LRRC43: variants seen among roughly 807,000 people sequenced by gnomAD.
LRRC43 encodes leucine rich repeat containing 43, also known as leucine-rich repeat-containing protein 43.
A neutral mutation model predicts 64.3 loss-of-function variants in LRRC43; 62 were observed. The ratio of observed to expected loss-of-function variants is 0.96; its 90% CI spans 0.79 to 1.19. The LOEUF is 1.19. LRRC43 is among the 50% of genes most tolerant of loss of function. The probability of loss-of-function intolerance (pLI) is 0.00; values close to 1 mark genes in which losing one functional copy is unlikely to be tolerated. For missense variants in LRRC43, 868 were observed against 845.0 expected (o/e 1.03, Z -0.34); for synonymous variants, 422 against 382.3 (o/e 1.10, Z -1.21).
intron 7 of LRRC43, among the ~76,000 whole-genome samples, chr12:122,198,066 C>T (rs184925554): frequency 7.9e-5 from 12 of 152,096 alleles, no homozygotes; most frequent in South Asian, 4.2e-4. Flanking sequence ...CCACAACCTC[C>T]GCCTCCCGGG....
rs575980789 is a variant in LRRC43, at chr12:122,200,011, C to T, written c.1350-178C>T. On this transcript the variant is annotated intron_variant, in intron 7 of 11. Transcript: ENST00000339777. The surrounding 1 kb of genome is among the most constrained non-coding windows in gnomAD (Gnocchi z 4.6). Reference sequence around the variant, plus strand: ...TTTTGCTGTCTCCTCTGTATCCACACCTTTCTGGCCTTCTGGTCCCCTTGC... The same window carrying T: ...TTTTGCTGTCTCCTCTGTATCCACATCTTTCTGGCCTTCTGGTCCCCTTGC... Among the ~76,000 whole-genome samples the T allele has an allele frequency of 1.0e-3, 152 of 152,338 alleles. 1 individual carries two copies. The highest frequency in any genetic ancestry group is 1.9e-3 in the Non-Finnish European group (126 of 68,030).
At chr12:122,203,283 C>G (rs200001520) in intron 11 of LRRC43, 32 bp from the exon 12 acceptor site, 4 of 1,603,112 alleles carry the variant, frequency 2.5e-6, no homozygotes, top group Non-Finnish European at 3.4e-6. Context: ...ATCCGTCTCC[C>G]GGGGCTCATG....
Position 122,203,310 on chromosome 12 carries a change from C to T in LRRC43, c.1844-5C>T. On this transcript the variant is annotated splice_polypyrimidine_tract_variant and splice_region_variant and intron_variant, in intron 11 of 11. Transcript: ENST00000339777. ...GGGCTCATGCTCGCACTTAAATTTT[C>T]TCAGAAAAGCCGAAAGCCGTGATTC... The T allele has an allele frequency of 6.2e-7, 1 of 1,611,018 alleles. No homozygotes were observed. Among genetic ancestry groups the T allele is most frequent in the South Asian group, 1.1e-5 (1 of 90,896 alleles).
At chr12:122,197,327 A>AT (rs11331738) in intron 7 of LRRC43, among the ~76,000 whole-genome samples, 44 of 150,062 alleles carry the variant, frequency 2.9e-4, no homozygotes, top group East Asian at 5.9e-4. Context: ...CCCCTGGCCA[A>AT]TTTTTTTTTT....
At chr12:122,187,655 C>T in intron 3 of LRRC43, 46 bp from the exon 4 acceptor site, 1 of 1,598,476 alleles carries the variant, frequency 6.3e-7, no homozygotes, top group East Asian at 2.2e-5. Context: ...ATCCTCAGCG[C>T]TGACTTGGGG....
intron 1 of LRRC43, among the ~76,000 whole-genome samples, chr12:122,169,749 A>G (rs1425121397): frequency 6.6e-6 from 1 of 151,292 alleles, no homozygotes; most frequent in Non-Finnish European, 1.5e-5. Flanking sequence ...AGAATTCTAT[A>G]AGGAACATTT....
chr12:122,175,563 G>C (rs1347658014), intron 1 of LRRC43, among the ~76,000 whole-genome samples: 3 of 150,970 alleles, frequency 2.0e-5, no homozygotes, highest in African/African-American at 7.3e-5. Context: ...GAGTGCAGTG[G>C]CATCATCACA....
upstream of LRRC43, among the ~76,000 whole-genome samples, chr12:122,182,650 G>A (rs1953592546): frequency 1.3e-5 from 2 of 151,460 alleles, no homozygotes; most frequent in South Asian, 4.2e-4. Flanking sequence ...CTGAGATCTC[G>A]CCACTGGACT....
intron 1 of LRRC43, among the ~76,000 whole-genome samples, chr12:122,183,913 G>A (rs1316834745): frequency 6.6e-6 from 1 of 151,300 alleles, no homozygotes; most frequent in Non-Finnish European, 1.5e-5. Flanking sequence ...GCTAATTATT[G>A]TATTTTTAGT....
At chr12:122,189,134 A>G (rs1337606210) in intron 4 of LRRC43, among the ~76,000 whole-genome samples, 1 of 152,150 alleles carries the variant, frequency 6.6e-6, no homozygotes, top group Non-Finnish European at 1.5e-5. Flanking sequence ...CCTGAGGGGT[A>G]GGAGGGGATC....
intron 3 of LRRC43, chr12:122,187,410 A>G (rs1953657386): frequency 3.3e-6 from 1 of 301,176 alleles, no homozygotes; most frequent in East Asian, 6.4e-5. Flanking sequence ...ACGCATTCCT[A>G]TGGGTTGAGA....
intron 7 of LRRC43, among the ~76,000 whole-genome samples, chr12:122,198,990 T>C (rs71456726): frequency 6.8e-6 from 1 of 146,218 alleles, no homozygotes; most frequent in Non-Finnish European, 1.5e-5. Context: ...CGATTTTTTT[T>C]TTTTTTTTGA....
rs371955014 is a variant in LRRC43 at position 122,176,101 on chromosome 12, A to G, written c.-406+8319A>G. ...GCTGCGGACAATAGCAACAACATTC[A>G]TAAATAAGCTAGAAAGCACTGTGAC... On this transcript the variant is annotated intron_variant, in intron 1 of 5. Coordinates refer to the LRRC43 transcript ENST00000537729. Among the ~76,000 whole-genome samples, 283 of 152,346 alleles carry G rather than the reference A, an allele frequency of 1.9e-3. 1 individual carries two copies. The highest frequency in any genetic ancestry group is 3.1e-3 in the Non-Finnish European group (212 of 68,030).
At chr12:122,199,306 G>A (rs1380717543) in intron 7 of LRRC43, among the ~76,000 whole-genome samples, 10 of 115,270 alleles carry the variant, frequency 8.7e-5, no homozygotes, top group African/African-American at 3.3e-4. Flanking sequence ...TTTTTGAGAC[G>A]GAGTCTTGCT....
At chr12:122,180,601 T>G (rs1019257595), upstream of LRRC43, among the ~76,000 whole-genome samples, 2 of 152,076 alleles carry the variant, frequency 1.3e-5, no homozygotes, top group South Asian at 2.1e-4. Flanking sequence ...AGAGACAGTG[T>G]TGGCTGCAGG....
chr12:122,170,993 G>T (rs917951547), intron 1 of LRRC43, among the ~76,000 whole-genome samples: 3 of 152,186 alleles, frequency 2.0e-5, no homozygotes, highest in Non-Finnish European at 2.9e-5. Context: ...GCTGCTGCTG[G>T]GCCAGGGACC....
upstream of LRRC43, among the ~76,000 whole-genome samples, chr12:122,178,373 T>C (rs1225898217): frequency 2.0e-5 from 3 of 152,094 alleles, no homozygotes; most frequent in African/African-American, 7.2e-5. Context: ...AGCTCCACGG[T>C]GTCCACCCGT....
At chr12:122,172,288 G>C (rs1296979569) in intron 1 of LRRC43, 1 of 697,940 alleles carries the variant, frequency 1.4e-6, no homozygotes, top group African/African-American at 1.8e-5. Flanking sequence ...CCATATGAGG[G>C]GTCCCTGAGA....
chr12:122,177,476 AGTGTGTGT>A (rs67103998), intron 1 of LRRC43, among the ~76,000 whole-genome samples: 6,282 of 143,550 alleles, frequency 0.044, 166 homozygotes, highest in Non-Finnish European at 0.052. Flanking sequence ...TGAGAGAGAA[AGTGTGTGT>A]GTGTGTGTGT....
Sources: allele counts gnomAD v4.1 joint callset (sites outside exome capture counted in the v4.1 genomes callset), GRCh38; gene constraint gnomAD v4.1.1; non-coding constraint Gnocchi (gnomAD v3.1); transcripts MANE v1.5; gene names NCBI Gene and HGNC (gene_info 2026-07-23, HGNC 2026-07-21).